The following ACAP2 variants were observed in gnomAD, a reference collection of about 807,000 sequenced individuals.
The protein encoded by ACAP2 is arf-GAP with coiled-coil, ANK repeat and PH domain-containing protein 2.
Under a neutral mutation model 115.8 loss-of-function variants are expected in ACAP2, and 39 were observed. The ratio of observed to expected loss-of-function variants is 0.34; its 90% confidence interval spans 0.26 to 0.44. The LOEUF is 0.44. ACAP2 is among the 20% of genes least tolerant of loss of function. ACAP2 has a pLI of 1.00. For missense variants in ACAP2, 662 were observed against 927.6 expected (o/e 0.71, Z 3.72); for synonymous variants, 289 against 315.8 (o/e 0.92, Z 0.90).
intron 4 of ACAP2, among the ~76,000 whole-genome samples, chr3:195,362,529 C>CCA (rs559712952): frequency 5.4e-4 from 82 of 151,622 alleles, no homozygotes; most frequent in Non-Finnish European, 9.4e-4. Context: ...TAAAAAATAA[C>CCA]CACACACACA....
chr3:195,416,580 C>T (rs192938983), intron 1 of ACAP2, among the ~76,000 whole-genome samples: 1 of 152,206 alleles, frequency 6.6e-6, no homozygotes, highest in East Asian at 1.9e-4. Flanking sequence ...CACTCCCTAG[C>T]TCTCACATGT....
intron 1 of ACAP2, among the ~76,000 whole-genome samples, chr3:195,408,163 C>T (rs1323396442): frequency 6.6e-6 from 1 of 152,088 alleles, no homozygotes; most frequent in Non-Finnish European, 1.5e-5. Context: ...AATCTGTCAT[C>T]GAAAATCTCC....
chr3:195,295,595 G>A (rs890635244), intron 17 of ACAP2, 113 bp downstream of exon 17: 3 of 1,122,012 alleles, frequency 2.7e-6, no homozygotes, highest in East Asian at 2.4e-5. Flanking sequence ...ATATGTAGAA[G>A]GGAACAGGTT....
chr3:195,348,029 GAAAAGAAAAGAA>G (rs1324492161), intron 4 of ACAP2, among the ~76,000 whole-genome samples: 1 of 138,586 alleles, frequency 7.2e-6, no homozygotes, highest in Non-Finnish European at 1.6e-5. Context: ...AAGAAAAGAA[GAAAAGAAAAGAA>G]AAAAGAAAAC....
At chr3:195,384,241 A>T (rs1427572854) in intron 2 of ACAP2, among the ~76,000 whole-genome samples, 3 of 152,250 alleles carry the variant, frequency 2.0e-5, no homozygotes, top group Non-Finnish European at 4.4e-5. Flanking sequence ...CAGCTAGATA[A>T]ATAAATTATG....
intron 4 of ACAP2, among the ~76,000 whole-genome samples, chr3:195,369,378 T>C (rs1732966420): frequency 6.6e-6 from 1 of 152,194 alleles, no homozygotes; most frequent in Admixed American, 6.5e-5. Flanking sequence ...GTAACAAGCC[T>C]AGTACTTGAT....
At chr3:195,349,483 AAAAC>A (rs769011876) in intron 4 of ACAP2, among the ~76,000 whole-genome samples, 21 of 152,290 alleles carry the variant, frequency 1.4e-4, no homozygotes, top group African/African-American at 3.1e-4. Context: ...ACTCCATCTG[AAAAC>A]AAACAAACAA....
intron 1 of ACAP2, among the ~76,000 whole-genome samples, chr3:195,421,689 C>T (rs1273775543): frequency 6.6e-6 from 1 of 152,164 alleles, no homozygotes; most frequent in Non-Finnish European, 1.5e-5. Flanking sequence ...TTGAATTAAA[C>T]AGTTTTGTAA....
intron 1 of ACAP2, among the ~76,000 whole-genome samples, chr3:195,401,391 G>A (rs1337242020): frequency 2.6e-5 from 4 of 152,182 alleles, no homozygotes; most frequent in African/African-American, 4.8e-5. Flanking sequence ...TAGGCTGGGC[G>A]CAGTGGCTCA....
At chr3:195,427,263 C>T (rs745623129) in intron 1 of ACAP2, among the ~76,000 whole-genome samples, 11 of 152,304 alleles carry the variant, frequency 7.2e-5, no homozygotes, top group African/African-American at 2.6e-4. Flanking sequence ...TGCAGCCCTG[C>T]CAACTGGCCT....
intron 1 of ACAP2, among the ~76,000 whole-genome samples, chr3:195,414,078 G>C (rs1432852905): frequency 6.6e-6 from 1 of 152,152 alleles, no homozygotes; most frequent in African/African-American, 2.4e-5. Context: ...CACATAATAT[G>C]TCGTTAGAGA....
At chr3:195,427,469 C>A (rs1056882346) in intron 1 of ACAP2, among the ~76,000 whole-genome samples, 2 of 152,122 alleles carry the variant, frequency 1.3e-5, no homozygotes, top group African/African-American at 2.4e-5. Flanking sequence ...GCAAGCATCA[C>A]AGACTACAAG....
chr3:195,287,867 GC>G (rs1439818929), intron 21 of ACAP2, among the ~76,000 whole-genome samples: 1 of 152,136 alleles, frequency 6.6e-6, no homozygotes, highest in African/African-American at 2.4e-5. Flanking sequence ...ACTTTGGGAG[GC>G]TGAGGCAGGT....
intron 4 of ACAP2, among the ~76,000 whole-genome samples, chr3:195,375,689 G>A (rs1431294659): frequency 6.6e-6 from 1 of 152,090 alleles, no homozygotes; most frequent in Admixed American, 6.5e-5. Context: ...ATGCATGCCT[G>A]TGGTCCCAGC....
intron 12 of ACAP2, 45 bp from the exon 13 acceptor site, chr3:195,306,661 C>A: frequency 7.7e-7 from 1 of 1,303,192 alleles, no homozygotes; most frequent in African/African-American, 1.5e-5. Context: ...TAAGTTAATG[C>A]CAAAAACACC....
At chr3:195,319,206 A>T (rs1044617382) in intron 10 of ACAP2, among the ~76,000 whole-genome samples, 1 of 152,206 alleles carries the variant, frequency 6.6e-6, no homozygotes, top group African/African-American at 2.4e-5. Flanking sequence ...GATGTATAGA[A>T]ATGCTTGAAG....
intron 4 of ACAP2, among the ~76,000 whole-genome samples, chr3:195,372,669 T>C (rs1332530865): frequency 6.6e-6 from 1 of 151,674 alleles, no homozygotes; most frequent in Non-Finnish European, 1.5e-5. Flanking sequence ...AAAAAAAAAT[T>C]AGCCAGGCAT....
At chr3:195,319,113 T>C (rs570039691) in intron 10 of ACAP2, among the ~76,000 whole-genome samples, 40 of 152,304 alleles carry the variant, frequency 2.6e-4, no homozygotes, top group African/African-American at 9.4e-4. Context: ...CCCCAAGCAT[T>C]GGTGGCTTCC....
intron 1 of ACAP2, among the ~76,000 whole-genome samples, chr3:195,395,045 G>A (rs561709845): frequency 6.7e-6 from 1 of 150,032 alleles, no homozygotes; most frequent in East Asian, 2.0e-4. Flanking sequence ...TCTATTCATT[G>A]AGATAGAACC....
Sources: allele counts gnomAD v4.1 joint callset (sites outside exome capture counted in the v4.1 genomes callset), GRCh38; gene constraint gnomAD v4.1.1; transcripts MANE v1.5; gene names NCBI Gene and HGNC (gene_info 2026-07-23, HGNC 2026-07-21).